The following DPP6 variants were observed in gnomAD, a reference collection of about 807,000 sequenced individuals.
DPP6 encodes the protein A-type potassium channel modulatory protein DPP6.
In DPP6, 69 loss-of-function variants were observed where a neutral mutation model predicts 122.6. The ratio of observed to expected loss-of-function variants is 0.56; its 90% CI spans 0.46 to 0.69. DPP6 has a LOEUF of 0.69. Among genes scored for constraint, DPP6 ranks in the 30% least tolerant of loss-of-function variants. The pLI, the probability that DPP6 is intolerant of heterozygous loss-of-function variation, is 0.00. For missense variants in DPP6, 928 were observed against 1,116.9 expected (o/e 0.83, Z 2.41); for synonymous variants, 418 against 433.1 (o/e 0.97, Z 0.43).
chr7:154,621,602 G>C (rs754215284), intron 5 of DPP6, among the ~76,000 whole-genome samples: 3 of 152,150 alleles, frequency 2.0e-5, no homozygotes, highest in Non-Finnish European at 4.4e-5. Flanking sequence ...CCTGACCTCA[G>C]GTGATCCGCC....
chr7:153,983,383 G>A (rs1198041324), intron 1 of DPP6, among the ~76,000 whole-genome samples: 3 of 152,222 alleles, frequency 2.0e-5, no homozygotes, highest in Non-Finnish European at 2.9e-5. Flanking sequence ...CAGTAATGGC[G>A]ATCACCCCTC....
intron 7 of DPP6, among the ~76,000 whole-genome samples, chr7:154,708,753 A>G (rs956822750): frequency 2.0e-5 from 3 of 152,254 alleles, no homozygotes; most frequent in African/African-American, 7.2e-5. Context: ...AATGTTTAAT[A>G]ACATGGAAAA....
chr7:154,627,541 C>T (rs963948436), intron 5 of DPP6, among the ~76,000 whole-genome samples: 3 of 152,070 alleles, frequency 2.0e-5, no homozygotes, highest in Non-Finnish European at 2.9e-5. Context: ...TAACTTCATG[C>T]AAATGGTATA....
At chr7:154,115,098 G>T (rs1806884115) in intron 1 of DPP6, among the ~76,000 whole-genome samples, 1 of 152,186 alleles carries the variant, frequency 6.6e-6, no homozygotes, top group Non-Finnish European at 1.5e-5. Context: ...CTCTCGGGCT[G>T]CCCCTGTAAT....
At chr7:153,878,763 T>G in the DPP6 span, among the ~76,000 whole-genome samples, 7 of 152,288 alleles carry the variant, frequency 4.6e-5, no homozygotes, top group East Asian at 1.4e-3. Flanking sequence ...TCTCTCTAAA[T>G]GTCGTACTTC....
chr7:154,353,660 A>G (rs930786293), intron 1 of DPP6, among the ~76,000 whole-genome samples: 1 of 152,172 alleles, frequency 6.6e-6, no homozygotes, highest in African/African-American at 2.4e-5. Flanking sequence ...CTTGAACTCC[A>G]GCCAAATAAG....
At chr7:154,316,806 G>A (rs749811499) in intron 1 of DPP6, among the ~76,000 whole-genome samples, 9 of 152,092 alleles carry the variant, frequency 5.9e-5, no homozygotes, top group Non-Finnish European at 8.8e-5. Context: ...ACTGTAGCAC[G>A]TACAGTTTGG....
At chr7:154,777,494 AAAAT>A (rs1796654678) in intron 10 of DPP6, among the ~76,000 whole-genome samples, 2 of 152,170 alleles carry the variant, frequency 1.3e-5, no homozygotes, top group South Asian at 4.1e-4. Flanking sequence ...TGGGTGGAAA[AAAAT>A]AAATGCAAAT....
intron 1 of DPP6, among the ~76,000 whole-genome samples, chr7:154,125,590 C>A (rs4639427): frequency 6.6e-6 from 1 of 151,968 alleles, no homozygotes; most frequent in Admixed American, 6.5e-5. Flanking sequence ...AACACCCCAT[C>A]GGTAGGGCAC....
intron 1 of DPP6, among the ~76,000 whole-genome samples, chr7:153,957,344 A>G (rs1395418691): frequency 6.6e-6 from 1 of 152,206 alleles, no homozygotes; most frequent in Non-Finnish European, 1.5e-5. Context: ...GAATTTGTCT[A>G]CAAACAGAAA....
chr7:154,736,977 G>T (rs1294827151), intron 8 of DPP6, among the ~76,000 whole-genome samples: 2 of 152,166 alleles, frequency 1.3e-5, no homozygotes, highest in Non-Finnish European at 2.9e-5. Context: ...TTTTAATTAT[G>T]AGTTTCACGT....
the DPP6 span, among the ~76,000 whole-genome samples, chr7:153,853,339 C>T: frequency 6.6e-6 from 1 of 152,166 alleles, no homozygotes; most frequent in East Asian, 1.9e-4. Context: ...ACCAAGAATT[C>T]TCCCTTGGAT....
At chr7:153,901,214 T>A (rs1054871264) in intron 1 of DPP6, among the ~76,000 whole-genome samples, 6 of 152,214 alleles carry the variant, frequency 3.9e-5, no homozygotes, top group Non-Finnish European at 7.3e-5. Flanking sequence ...TAATGACAGT[T>A]AATGCATTCC....
chr7:154,572,876 C>T (rs903006591), intron 5 of DPP6, among the ~76,000 whole-genome samples: 2 of 151,792 alleles, frequency 1.3e-5, no homozygotes, highest in Middle Eastern at 3.4e-3. Context: ...GACAGGGTTT[C>T]ACCATGTTGG....
chr7:154,815,563 C>T (rs781763739), intron 16 of DPP6, among the ~76,000 whole-genome samples: 12 of 152,222 alleles, frequency 7.9e-5, no homozygotes, highest in Non-Finnish European at 1.6e-4. Flanking sequence ...AATCCTGTTT[C>T]TAAGAAATGT....
intron 4 of DPP6, among the ~76,000 whole-genome samples, chr7:154,561,361 G>C (rs1830416428): frequency 6.6e-6 from 1 of 152,108 alleles, no homozygotes; most frequent in African/African-American, 2.4e-5. Flanking sequence ...CATTAAACAA[G>C]TCTCAATATA....
intron 1 of DPP6, among the ~76,000 whole-genome samples, chr7:154,060,331 G>GT (rs1801571647): frequency 7.9e-6 from 1 of 126,194 alleles, no homozygotes; most frequent in Non-Finnish European, 1.8e-5. Context: ...ATCGCAGGAG[G>GT]GGGAGGCACC....
chr7:154,735,461 A>C (rs547608300), intron 8 of DPP6, among the ~76,000 whole-genome samples: 4 of 152,376 alleles, frequency 2.6e-5, no homozygotes, highest in East Asian at 3.9e-4. Flanking sequence ...CGAAGCTATC[A>C]GACCTATGAG....
chr7:154,216,352 A>G, intron 1 of DPP6, among the ~76,000 whole-genome samples: 1 of 152,330 alleles, frequency 6.6e-6, no homozygotes, highest in Non-Finnish European at 1.5e-5. Flanking sequence ...AGCACTGGAC[A>G]GTGACCCTTA....
Sources: gnomAD v4.1 joint callset for allele counts (sites outside exome capture counted in the v4.1 genomes callset) on GRCh38, gnomAD v4.1.1 for gene constraint, MANE v1.5 for transcripts, NCBI Gene and HGNC (gene_info 2026-07-23, HGNC 2026-07-21) for gene names.